MYT1L: variants seen among roughly 807,000 people sequenced by gnomAD.
The protein encoded by MYT1L is myelin transcription factor 1-like protein.
A neutral mutation model predicts 126.7 loss-of-function variants in MYT1L; 12 were observed. The ratio of observed to expected loss-of-function variants is 0.09; its 90% CI spans 0.06 to 0.15. The LOEUF (loss-of-function observed/expected upper bound fraction) is 0.15. MYT1L is among the 10% of genes least tolerant of loss of function. The pLI is 1.00. For missense variants in MYT1L, 979 were observed against 1,585.2 expected, an observed-to-expected ratio of 0.62 and a Z score of 6.49; for synonymous variants, 541 against 604.2, an observed-to-expected ratio of 0.90 and a Z score of 1.53.
At chr2:2,058,327 T>C (rs761020730) in intron 3 of MYT1L, among the ~76,000 whole-genome samples, 7 of 152,280 alleles carry the variant, frequency 4.6e-5, no homozygotes, top group African/African-American at 1.2e-4. Context: ...TACTAGTTCT[T>C]TGATGAATAT....
intron 3 of MYT1L, among the ~76,000 whole-genome samples, chr2:2,088,022 T>G (rs2076528121): frequency 6.6e-6 from 1 of 152,110 alleles, no homozygotes; most frequent in African/African-American, 2.4e-5. Flanking sequence ...ATCTCTAACT[T>G]GCAGGATGGT....
intron 1 of MYT1L, chr2:2,306,057 C>G (rs2095853549): frequency 6.6e-6 from 1 of 152,220 alleles, no homozygotes; most frequent in African/African-American, 2.4e-5. Flanking sequence ...GATCCTGGAA[C>G]AGGAGCAAGG....
intron 4 of MYT1L, among the ~76,000 whole-genome samples, chr2:2,006,011 C>A (rs879780105): frequency 6.6e-6 from 1 of 151,814 alleles, no homozygotes; most frequent in Non-Finnish European, 1.5e-5. Flanking sequence ...TGCATGCATT[C>A]TTTCCTGCAT....
At chr2:1,954,129 A>G (rs2058124037) in intron 8 of MYT1L, among the ~76,000 whole-genome samples, 1 of 152,228 alleles carries the variant, frequency 6.6e-6, no homozygotes, top group South Asian at 2.1e-4. Flanking sequence ...CCTAGAAAAT[A>G]AAGTGGCATG....
At chr2:2,263,271 G>A (rs994773189) in intron 2 of MYT1L, among the ~76,000 whole-genome samples, 1 of 151,792 alleles carries the variant, frequency 6.6e-6, no homozygotes, top group African/African-American at 2.4e-5. Context: ...GAAGAGAAGG[G>A]GAACCCTACT....
At chr2:1,896,021 G>C (rs1169222577) in intron 14 of MYT1L, among the ~76,000 whole-genome samples, 1 of 152,130 alleles carries the variant, frequency 6.6e-6, no homozygotes, top group Non-Finnish European at 1.5e-5. Flanking sequence ...ATTAAAAATG[G>C]GCAAAGAACA....
intron 8 of MYT1L, among the ~76,000 whole-genome samples, chr2:1,947,444 A>G (rs1280312121): frequency 6.6e-6 from 1 of 152,090 alleles, no homozygotes; most frequent in Non-Finnish European, 1.5e-5. Context: ...GGCTAGGAGG[A>G]CGTTTGAGAG....
chr2:2,107,541 T>C (rs1377206538), intron 3 of MYT1L, among the ~76,000 whole-genome samples: 1 of 152,200 alleles, frequency 6.6e-6, no homozygotes, highest in African/African-American at 2.4e-5. Context: ...CTCAGAGCCA[T>C]TGATCCCGAA....
chr2:2,058,686 C>T (rs1429864637), intron 3 of MYT1L, among the ~76,000 whole-genome samples: 1 of 152,162 alleles, frequency 6.6e-6, no homozygotes, highest in Non-Finnish European at 1.5e-5. Flanking sequence ...TTTTTTCTAA[C>T]ACTGGGGAAT....
chr2:1,906,285 T>C (rs944593910), intron 13 of MYT1L, among the ~76,000 whole-genome samples: 1 of 152,194 alleles, frequency 6.6e-6, no homozygotes, highest in Non-Finnish European at 1.5e-5. Context: ...AATTTCCCTT[T>C]TTGTTTCTCA....
intron 18 of MYT1L, among the ~76,000 whole-genome samples, chr2:1,864,678 C>A (rs2045225301): frequency 6.6e-6 from 1 of 152,188 alleles, no homozygotes; most frequent in African/African-American, 2.4e-5. Context: ...CACGGGTGCC[C>A]CTCCACACAT....
intron 3 of MYT1L, among the ~76,000 whole-genome samples, chr2:2,073,606 C>T (rs1384729812): frequency 1.3e-5 from 2 of 152,094 alleles, no homozygotes; most frequent in Admixed American, 6.5e-5. Flanking sequence ...GCTCCTAGTC[C>T]AAGTTTCTCG....
At chr2:1,999,879 T>C (rs1446069421) in intron 4 of MYT1L, among the ~76,000 whole-genome samples, 2 of 152,244 alleles carry the variant, frequency 1.3e-5, no homozygotes, top group East Asian at 3.8e-4. Flanking sequence ...ACAAGCAAAG[T>C]ATGCTACAAT....
chr2:2,214,537 A>G (rs2093624686), intron 2 of MYT1L, among the ~76,000 whole-genome samples: 1 of 152,198 alleles, frequency 6.6e-6, no homozygotes, highest in Admixed American at 6.5e-5. Context: ...CAGAAAAAGA[A>G]ATGCAAATAG....
chr2:1,924,819 A>C (rs891421153), intron 9 of MYT1L, among the ~76,000 whole-genome samples: 1 of 152,226 alleles, frequency 6.6e-6, no homozygotes, highest in Non-Finnish European at 1.5e-5. Context: ...AAAGAAAATC[A>C]AACTAGTGAA....
intron 3 of MYT1L, among the ~76,000 whole-genome samples, chr2:2,078,891 G>A (rs906361906): frequency 2.6e-4 from 40 of 152,302 alleles, no homozygotes; most frequent in African/African-American, 9.4e-4. Context: ...AAATTCATAT[G>A]TTGAAATTCT....
intron 1 of MYT1L, among the ~76,000 whole-genome samples, chr2:2,286,655 A>C (rs113858204): frequency 2.0e-3 from 304 of 152,280 alleles, no homozygotes; most frequent in African/African-American, 6.8e-3. Context: ...TAAATGGTCT[A>C]ATGGGTTTAA....
intron 3 of MYT1L, among the ~76,000 whole-genome samples, chr2:2,160,832 A>T (rs2087752546): frequency 6.6e-6 from 1 of 152,136 alleles, no homozygotes. Flanking sequence ...AGCAGGGAGG[A>T]GAAGGAAGGA....
Position 1,969,692 on chromosome 2 carries a change from T to C in MYT1L, c.152+9473A>G, listed in dbSNP as rs889271148. Among the ~76,000 whole-genome samples the C allele has an allele frequency of 2.0e-5, 3 of 152,202 alleles. No homozygotes were observed. The East Asian group carries it at 5.8e-4, about 29-fold the overall frequency. Reference sequence around the variant, plus strand: ...GTGGGACCCTGGTTGTTGGTATCTCTGTAAATCCTCTTTTCTTCAGGGAGC... The same window carrying C: ...GTGGGACCCTGGTTGTTGGTATCTCCGTAAATCCTCTTTTCTTCAGGGAGC... On this transcript the variant is annotated intron_variant, in intron 8 of 24. Coordinates refer to ENST00000647738, the MANE Select transcript of MYT1L (RefSeq NM_001303052.2).
Sources: allele counts gnomAD v4.1 joint callset (sites outside exome capture counted in the v4.1 genomes callset), GRCh38; gene constraint gnomAD v4.1.1; transcripts MANE v1.5; gene names NCBI Gene and HGNC (gene_info 2026-07-23, HGNC 2026-07-21).